The following ZFHX4 variants were observed in gnomAD, a reference collection of about 807,000 sequenced individuals.
ZFHX4 encodes zinc finger homeobox 4.
A neutral mutation model predicts 267.6 loss-of-function variants in ZFHX4; 56 were observed. The observed-to-expected ratio is 0.21, with a 90% CI of 0.17 to 0.26. The LOEUF is 0.26. ZFHX4 is among the 10% of genes least tolerant of loss of function. The pLI is 1.00. For synonymous variants in ZFHX4, 1,778 were observed against 1,665.6 expected (o/e 1.07, Z -1.64); for missense variants, 4,332 against 4,420.0 (o/e 0.98, Z 0.56).
intron 3 of ZFHX4, among the ~76,000 whole-genome samples, chr8:76,729,734 C>A (rs1808948434): frequency 6.6e-6 from 1 of 152,036 alleles, no homozygotes; most frequent in Admixed American, 6.6e-5. Context: ...ATGAACAAAA[C>A]AGAAATATTA....
chr8:76,844,387 G>A (rs1039065902), intron 6 of ZFHX4, among the ~76,000 whole-genome samples: 7 of 152,016 alleles, frequency 4.6e-5, no homozygotes, highest in Non-Finnish European at 5.9e-5. Context: ...ATGTAATCCC[G>A]AGGTATATGA....
intron 4 of ZFHX4, among the ~76,000 whole-genome samples, chr8:76,799,349 C>G (rs1811060812): frequency 6.6e-6 from 1 of 152,104 alleles, no homozygotes. Flanking sequence ...AGGCATTAGG[C>G]CACTGTGTGC....
chr8:76,830,190 A>G (rs1210238169), intron 4 of ZFHX4, among the ~76,000 whole-genome samples: 2 of 152,204 alleles, frequency 1.3e-5, no homozygotes, highest in Admixed American at 6.5e-5. Context: ...GGGATGATCA[A>G]TACACTATTC....
intron 4 of ZFHX4, among the ~76,000 whole-genome samples, chr8:76,797,416 G>T (rs1490525475): frequency 6.6e-6 from 1 of 152,060 alleles, no homozygotes; most frequent in Non-Finnish European, 1.5e-5. Flanking sequence ...TGAATCCAAA[G>T]CTCCTGTTCT....
At chr8:76,714,850 C>T (rs1808522238) in intron 3 of ZFHX4, among the ~76,000 whole-genome samples, 1 of 152,104 alleles carries the variant, frequency 6.6e-6, no homozygotes, top group African/African-American at 2.4e-5. Context: ...TTATGGGTTA[C>T]ATTTGGTGCT....
intron 10 of ZFHX4, among the ~76,000 whole-genome samples, chr8:76,859,638 T>C (rs1812817371): frequency 6.6e-6 from 1 of 152,188 alleles, no homozygotes; most frequent in Non-Finnish European, 1.5e-5. Flanking sequence ...GCTGATTTCC[T>C]TAAATGGAAC....
intron 10 of ZFHX4, 121 bp from the exon 11 acceptor site, chr8:76,862,973 T>C (rs1812909886): frequency 1.5e-6 from 2 of 1,366,412 alleles, no homozygotes; most frequent in East Asian, 2.6e-5. Context: ...TCCTATTGTG[T>C]GTAATACATC....
At chr8:76,794,873 TTGTGTGTGTG>T (rs71277761) in intron 4 of ZFHX4, among the ~76,000 whole-genome samples, 8 of 143,096 alleles carry the variant, frequency 5.6e-5, no homozygotes, top group East Asian at 2.0e-4. Context: ...TGGCCTGTCA[TTGTGTGTGTG>T]TGTGTGTGTG....
chr8:76,849,128 G>A lies in ZFHX4; in HGVS notation c.3645G>A (p.Gln1215=). 1.3e-6 allele frequency: 2 copies of A among 1,545,932 alleles called. No individual in the cohort carries two copies. Among genetic ancestry groups the A allele is most frequent in the Non-Finnish European group, 1.7e-6 (2 of 1,146,372 alleles). Residue 1215 remains glutamine (Q), a splice_region_variant and synonymous_variant, in exon 7 of 11, where the codon CAG becomes CAA. Transcript: ENST00000651372. ...PTEDNKFCHE[Q]FYQCPYCNYN... Reference sequence around the variant, plus strand: ...AGGACAATAAATTCTGTCATGAACAGGTAAATACTTTTTTTCCCCTTTACT... The same window carrying A: ...AGGACAATAAATTCTGTCATGAACAAGTAAATACTTTTTTTCCCCTTTACT...
intron 3 of ZFHX4, among the ~76,000 whole-genome samples, chr8:76,727,270 G>T (rs534052980): frequency 6.6e-6 from 1 of 151,970 alleles, no homozygotes; most frequent in Non-Finnish European, 1.5e-5. Flanking sequence ...TCTTGGGGCC[G>T]CAGCCACATT....
At chr8:76,779,120 A>G (rs892259373) in intron 4 of ZFHX4, among the ~76,000 whole-genome samples, 2 of 152,204 alleles carry the variant, frequency 1.3e-5, no homozygotes, top group Admixed American at 6.5e-5. Context: ...AACTTTATGC[A>G]TTAAAACTAC....
At chr8:76,745,802 T>G (rs780233439) in intron 3 of ZFHX4, among the ~76,000 whole-genome samples, 2 of 152,208 alleles carry the variant, frequency 1.3e-5, no homozygotes, top group African/African-American at 2.4e-5. Context: ...TTTGAAGCTT[T>G]GGGATAGCAT....
At position 76,778,697 on chromosome 8, in the gene ZFHX4, C is replaced by G. The variant is rs537807516; in HGVS notation, c.3325+258C>G. ...CATGCAGGAGGTTATGAAACTCTAC[C>G]TTGGGAGGATCTCACAGTGAAATTT... On this transcript the variant is annotated intron_variant, in intron 4 of 10. Coordinates refer to ENST00000651372, the MANE Select transcript of ZFHX4 (RefSeq NM_024721.5). Among the ~76,000 whole-genome samples the G allele has an allele frequency of 3.9e-5, 6 of 152,270 alleles. No homozygotes were observed. In the South Asian group the frequency reaches 1.2e-3, roughly 32 times the overall value.
chr8:76,757,249 G>A (rs1809788645), intron 3 of ZFHX4, among the ~76,000 whole-genome samples: 2 of 152,172 alleles, frequency 1.3e-5, no homozygotes, highest in African/African-American at 4.8e-5. Context: ...AGTGTGACAA[G>A]AGCTATGATA....
At chr8:76,783,118 T>C (rs1407252391) in intron 4 of ZFHX4, among the ~76,000 whole-genome samples, 1 of 152,014 alleles carries the variant, frequency 6.6e-6, no homozygotes, top group Non-Finnish European at 1.5e-5. Flanking sequence ...CCTCACGAAA[T>C]GGCATCATTT....
At chr8:76,847,597 T>C (rs1385188043) in intron 6 of ZFHX4, among the ~76,000 whole-genome samples, 1 of 152,120 alleles carries the variant, frequency 6.6e-6, no homozygotes, top group African/African-American at 2.4e-5. Flanking sequence ...ATTATTGTCA[T>C]GATGTAATTT....
chr8:76,825,875 G>A (rs1441285307), intron 4 of ZFHX4, among the ~76,000 whole-genome samples: 2 of 152,324 alleles, frequency 1.3e-5, no homozygotes, highest in African/African-American at 2.4e-5. Flanking sequence ...TCTTTGAGAT[G>A]AAAGTGTAAG....
chr8:76,787,768 A>G (rs1036325628), intron 4 of ZFHX4, among the ~76,000 whole-genome samples: 14 of 151,830 alleles, frequency 9.2e-5, no homozygotes, highest in African/African-American at 3.1e-4. Flanking sequence ...AGCCGAGATC[A>G]TGCCACTGCA....
At chr8:76,718,188 T>G (rs1269716922) in intron 3 of ZFHX4, among the ~76,000 whole-genome samples, 1 of 152,216 alleles carries the variant, frequency 6.6e-6, no homozygotes. Context: ...TCCCAATTTT[T>G]AAACCAAATA....
Sources: allele counts gnomAD v4.1 joint callset (sites outside exome capture counted in the v4.1 genomes callset), GRCh38; gene constraint gnomAD v4.1.1; transcripts MANE v1.5; gene names NCBI Gene and HGNC (gene_info 2026-07-23, HGNC 2026-07-21).